Variants in SLC6A20 observed in about 807,000 individuals in gnomAD.
The protein encoded by SLC6A20 is solute carrier family 6 member 20.
In SLC6A20, 73 loss-of-function variants were observed where a neutral mutation model predicts 64.3. The observed-to-expected ratio is 1.14, with a 90% confidence interval of 0.94 to 1.38. The LOEUF (loss-of-function observed/expected upper bound fraction) is 1.38. Ranked by LOEUF, SLC6A20 falls within the 40% of genes most tolerant of loss-of-function variation. SLC6A20 has a pLI of 0.00. For missense variants in SLC6A20, 725 were observed against 772.8 expected, an observed-to-expected ratio of 0.94 and a Z score of 0.73; for synonymous variants, 347 against 329.6, an observed-to-expected ratio of 1.05 and a Z score of -0.57.
chr3:45,796,422 C>G lies in SLC6A20; in HGVS notation c.-3G>C, dbSNP rs749703688. 3.1e-6 allele frequency: 5 copies of G among 1,609,632 alleles called. No homozygotes were observed. The highest frequency in any genetic ancestry group is 4.2e-6 in the Non-Finnish European group (5 of 1,178,180). ...CACAGCGGCCGCGCTTTCTCCATGG[C>G]CCCGGCCTCGGCGCGCTCGGCTCCG... On this transcript the variant is annotated 5_prime_UTR_variant, in exon 1 of 11. Coordinates refer to ENST00000358525, the MANE Select transcript of SLC6A20 (RefSeq NM_020208.4).
At chr3:45,772,761 A>C in intron 4 of SLC6A20, 146 bp from the exon 5 acceptor site, 3 of 685,770 alleles carry the variant, frequency 4.4e-6, no homozygotes, top group Non-Finnish European at 7.5e-6. Flanking sequence ...ATTCTTGGTC[A>C]CACACAGGCT....
chr3:45,769,760 T>C (rs1053328977), intron 7 of SLC6A20, among the ~76,000 whole-genome samples: 2 of 152,170 alleles, frequency 1.3e-5, no homozygotes, highest in Non-Finnish European at 1.5e-5. Context: ...AATACATAGA[T>C]GGGTAATAGA....
chr3:45,775,830 C>T lies in SLC6A20; in HGVS notation c.513G>A (p.Ala171=), dbSNP rs570918115. ...CCAGCCAGGCCAGGAGGAGGCACAG[C>T]GCCGGCTCCCACTGCACACCCCCGT... The part of the protein sequence containing the change: ...QENGGVQWEP[A]LCLLLAWLVV... Residue 171 remains alanine, a synonymous_variant, in exon 4 of 11, where the codon GCG becomes GCA. Transcript: ENST00000358525. 1.4e-5 allele frequency: 23 copies of T among 1,613,976 alleles called. No individual in the cohort carries two copies. Among genetic ancestry groups the T allele is most frequent in the East Asian group, 4.5e-5 (2 of 44,860 alleles).
intron 3 of SLC6A20, among the ~76,000 whole-genome samples, chr3:45,778,598 T>G (rs556567388): frequency 6.6e-6 from 1 of 152,338 alleles, no homozygotes; most frequent in Admixed American, 6.5e-5. Flanking sequence ...TATTCTGATT[T>G]TGTTAGGACA....
At chr3:45,767,892 T>G (rs77965009) in intron 7 of SLC6A20, among the ~76,000 whole-genome samples, 1 of 152,208 alleles carries the variant, frequency 6.6e-6, no homozygotes. Flanking sequence ...AGAAAATAAT[T>G]GTTAACCTGG....
intron 1 of SLC6A20, among the ~76,000 whole-genome samples, chr3:45,793,724 CT>C: frequency 6.6e-6 from 1 of 152,194 alleles, no homozygotes; most frequent in East Asian, 1.9e-4. Flanking sequence ...TAAACAAATT[CT>C]TTGTTTGCTG....
chr3:45,790,128 A>G (rs531835137), intron 1 of SLC6A20, among the ~76,000 whole-genome samples: 1 of 152,122 alleles, frequency 6.6e-6, no homozygotes, highest in Non-Finnish European at 1.5e-5. Flanking sequence ...TGCCCGCCCG[A>G]GTCAGTGCCT....
intron 3 of SLC6A20, 38 bp downstream of exon 3, chr3:45,779,971 G>T: frequency 1.9e-6 from 3 of 1,559,972 alleles, no homozygotes; most frequent in South Asian, 2.4e-5. Flanking sequence ...TCCCTTTCTC[G>T]CTCCTACTCC....
Position 45,756,595 on chromosome 3 carries a change from A to G in SLC6A20, c.*2383T>C, listed in dbSNP as rs1699547242. 2 of 152,180 alleles carry G rather than the reference A, an allele frequency of 1.3e-5. No homozygotes were observed. The highest frequency in any genetic ancestry group is 4.8e-5 in the African/African-American group (2 of 41,434). The allele number at this position is 152,180 out of a possible 1,614,324, so 9.4% of individuals were successfully genotyped here. ...TTGCTGTAAGAGAATTTTACAGCAC[A>G]AAAATAAAAAGACATCTCCGGCCAA... On this transcript the variant is annotated 3_prime_UTR_variant, in exon 11 of 11. Transcript: ENST00000358525.
rs1700345326 is a variant in SLC6A20, at chr3:45,796,316, C to T, written c.104G>A (p.Cys35Tyr). Residue 35 changes from cysteine to tyrosine, a missense_variant, in exon 1 of 11, where the codon TGC becomes TAC. Cys to Tyr is a radical substitution (Grantham distance 194). Transcript: ENST00000358525. ...LGNVWRFPYL[C>Y]QMYGGGSFLV... Reference sequence around the variant, plus strand: ...GCACTCACCTCCGCCGTACATCTGGCACAGGTACGGGAATCGCCACACGTT... The same window carrying T: ...GCACTCACCTCCGCCGTACATCTGGTACAGGTACGGGAATCGCCACACGTT... 1 of 1,611,204 alleles carries T rather than the reference C, an allele frequency of 6.2e-7. No homozygotes were observed. The highest frequency in any genetic ancestry group is 8.5e-7 in the Non-Finnish European group (1 of 1,178,930).
chr3:45,768,834 A>G (rs1480306782), intron 7 of SLC6A20, among the ~76,000 whole-genome samples: 2 of 152,352 alleles, frequency 1.3e-5, no homozygotes, highest in East Asian at 3.9e-4. Flanking sequence ...AATAATCTCT[A>G]GAAGTATTTG....
intron 9 of SLC6A20, among the ~76,000 whole-genome samples, chr3:45,760,474 G>C (rs1201332889): frequency 7.2e-6 from 1 of 138,594 alleles, no homozygotes; most frequent in African/African-American, 2.6e-5. Flanking sequence ...GAAACACCAC[G>C]GAGCAGAATC....
At chr3:45,770,163 A>T (rs942638709) in intron 7 of SLC6A20, 46 bp downstream of exon 7, 3 of 1,609,836 alleles carry the variant, frequency 1.9e-6, no homozygotes, top group Non-Finnish European at 2.5e-6. Context: ...GGTTCCCATG[A>T]GTGTGTGGAG....
intron 7 of SLC6A20, among the ~76,000 whole-genome samples, chr3:45,767,944 C>A (rs1699801951): frequency 6.6e-6 from 1 of 152,068 alleles, no homozygotes; most frequent in Non-Finnish European, 1.5e-5. Context: ...AAGATAGATG[C>A]CAATTATAGA....
chr3:45,795,989 CGAA>C (rs145473398), intron 1 of SLC6A20, among the ~76,000 whole-genome samples: 2,270 of 152,236 alleles, frequency 0.015, 66 homozygotes, highest in African/African-American at 0.052. Flanking sequence ...ACACTTCTCT[CGAA>C]GAAGGAGACC....
In SLC6A20 at chr3:45,781,207, C is replaced by T. The variant is rs574696380; in HGVS notation, c.262+876G>A. On this transcript the variant is annotated intron_variant, in intron 2 of 10. Coordinates refer to ENST00000358525, the MANE Select transcript of SLC6A20 (RefSeq NM_020208.4). The stretch of plus-strand genomic sequence containing the variant: ...TGCACTCCAGCCTGGGCAATAAGAG[C>T]GAAACTCCGCCTCAAAAAAAAAAAA... Among the ~76,000 whole-genome samples the T allele has an allele frequency of 1.7e-4, 24 of 143,664 alleles. No homozygotes were observed. The South Asian group carries it at 4.9e-3, about 29-fold the overall frequency. 94.2% of individuals were successfully genotyped at this position (143,664 alleles called of 152,430 possible). A position where few individuals can be genotyped will look rare whatever the true frequency, so the allele number is the denominator to read the frequency against.
rs1187486492 is a variant in SLC6A20, at chr3:45,780,149, C to A, written c.263-49G>T. On this transcript the variant is annotated intron_variant, in intron 2 of 10. Coordinates refer to ENST00000358525, the MANE Select transcript of SLC6A20 (RefSeq NM_020208.4). ...CTGAGGACTGAGGATGGCCCTTCCC[C>A]CTCCGCCAGGCCCAGCGTGTGCTCC... 4 of 1,532,952 alleles carry A rather than the reference C, an allele frequency of 2.6e-6. No individual in the cohort carries two copies. The Admixed American group carries it at 5.9e-5, about 22-fold the overall frequency. 95.0% of individuals were successfully genotyped at this position (1,532,952 alleles called of 1,614,324 possible).
intron 4 of SLC6A20, among the ~76,000 whole-genome samples, chr3:45,775,193 G>T (rs1171325066): frequency 6.6e-6 from 1 of 152,168 alleles, no homozygotes; most frequent in East Asian, 1.9e-4. Flanking sequence ...GCTCTGGAGG[G>T]TGATTGGAAG....
intron 2 of SLC6A20, among the ~76,000 whole-genome samples, chr3:45,781,409 G>C (rs750724081): frequency 1.4e-4 from 22 of 152,138 alleles, no homozygotes; most frequent in Non-Finnish European, 2.8e-4. Context: ...GGAGGGGTGA[G>C]CATCACAGGC....
Sources: allele counts gnomAD v4.1 joint callset (sites outside exome capture counted in the v4.1 genomes callset), GRCh38; gene constraint gnomAD v4.1.1; transcripts MANE v1.5; gene names NCBI Gene and HGNC (gene_info 2026-07-23, HGNC 2026-07-21).